ADGRL2: variants seen among roughly 807,000 people sequenced by gnomAD.
The protein encoded by ADGRL2 is calcium-independent alpha-latrotoxin receptor 2.
In ADGRL2, 44 loss-of-function variants were observed where a neutral mutation model predicts 157.4. The observed-to-expected ratio is 0.28, with a 90% CI of 0.22 to 0.36. ADGRL2 has a LOEUF of 0.36. Among genes scored for constraint, ADGRL2 ranks in the 10% least tolerant of loss-of-function variants. ADGRL2 has a pLI of 1.00. For synonymous variants in ADGRL2, 585 were observed against 624.7 expected (o/e 0.94, Z 0.95); for missense variants, 1,510 against 1,768.9 (o/e 0.85, Z 2.63).
chr1:81,639,667 G>A (rs754591631), intron 3 of ADGRL2, among the ~76,000 whole-genome samples: 2 of 151,670 alleles, frequency 1.3e-5, no homozygotes, highest in Non-Finnish European at 2.9e-5. Flanking sequence ...ATTAGAAATA[G>A]AGGACATTAT....
intron 2 of ADGRL2, among the ~76,000 whole-genome samples, chr1:81,446,304 C>T (rs11163296): frequency 0.48 from 73,274 of 151,900 alleles, 19,776 homozygotes; most frequent in Non-Finnish European, 0.6. Flanking sequence ...CATCAATTGG[C>T]ATAGAGTTTC....
At position 81,990,421 on chromosome 1, in the gene ADGRL2, G is replaced by A; in HGVS notation, c.3686G>A (p.Ser1229Asn). 5.6e-6 allele frequency: 9 copies of A among 1,613,946 alleles called. No individual in the cohort carries two copies. Among genetic ancestry groups the A allele is most frequent in the Non-Finnish European group, 6.8e-6 (8 of 1,179,878 alleles). The change falls in exon 24 of 24, where the codon AGT (serine) becomes AAT (asparagine). Residue 1229 changes from serine to asparagine, a missense_variant. Ser to Asn is a conservative substitution (Grantham distance 46). This residue lies in a region of ADGRL2 where 327 missense variants were observed against 310.1 expected (regional missense o/e 1.05). Transcript: ENST00000686636. The part of the protein sequence containing the change: ...RHSLNNARDT[S>N]AMDTLPLNGN... ...TCACTGAACAATGCCAGGGATACAA[G>A]TGCCATGGATACTCTACCGCTAAAT...
rs138219879 is a variant in ADGRL2 at position 81,928,356 on chromosome 1, T to A, written c.288-8372T>A. ...TACGGCTGATTGAGGCATAATTGGA[T>A]GTCTGGTGTTTATTTTCTATTAACC... On this transcript the variant is annotated intron_variant, in intron 3 of 23. Coordinates refer to ENST00000686636, the MANE Select transcript of ADGRL2 (RefSeq NM_001366006.2). 2.5e-3 allele frequency among the ~76,000 whole-genome samples: 376 copies of A among 152,230 alleles called. 2 individuals carry two copies. The highest frequency in any genetic ancestry group is 4.1e-3 in the Non-Finnish European group (282 of 67,954).
At chr1:81,651,970 G>C (rs1015328862) in intron 3 of ADGRL2, among the ~76,000 whole-genome samples, 6 of 152,110 alleles carry the variant, frequency 3.9e-5, no homozygotes, top group Admixed American at 2.0e-4. Context: ...GCCTCCCAAA[G>C]TGTGAGGATT....
intron 2 of ADGRL2, among the ~76,000 whole-genome samples, chr1:81,888,135 A>G (rs1263807122): frequency 1.3e-5 from 2 of 152,180 alleles, no homozygotes; most frequent in Non-Finnish European, 2.9e-5. Flanking sequence ...TGTTGAACTC[A>G]AGTAGAGAAA....
chr1:81,882,842 T>C (rs1297420479), intron 2 of ADGRL2, among the ~76,000 whole-genome samples: 2 of 152,218 alleles, frequency 1.3e-5, no homozygotes, highest in Admixed American at 1.3e-4. Flanking sequence ...GTCACGTATA[T>C]GTTTGAAGAC....
intron 1 of ADGRL2, among the ~76,000 whole-genome samples, chr1:81,363,675 C>G (rs2076016278): frequency 6.6e-6 from 1 of 152,104 alleles, no homozygotes; most frequent in Non-Finnish European, 1.5e-5. Context: ...AATAGCATCT[C>G]TGTGTAACAA....
In ADGRL2 at chr1:81,546,374, G is replaced by A. The variant is rs114646465; in HGVS notation, c.-247-34502G>A. 3.0e-3 allele frequency among the ~76,000 whole-genome samples: 454 copies of A among 152,140 alleles called. 4 individuals are homozygous for A. The highest frequency in any genetic ancestry group is 0.01 in the African/African-American group (433 of 41,504). On this transcript the variant is annotated intron_variant, in intron 2 of 24. Coordinates refer to the ADGRL2 transcript ENST00000370721. ...ATTGGCTCAATACTTGAGGTTCTTG[G>A]GTAAAGGTTTCTCAATTAGATAGTT...
At chr1:81,564,231 T>C (rs2080508636) in intron 2 of ADGRL2, among the ~76,000 whole-genome samples, 1 of 152,210 alleles carries the variant, frequency 6.6e-6, no homozygotes, top group African/African-American at 2.4e-5. Flanking sequence ...GACACATAGC[T>C]GTGTAACAAA....
At position 81,353,436 on chromosome 1, in the gene ADGRL2, G is replaced by A. The variant is rs533208880; in HGVS notation, c.-302+46927G>A. 2.6e-5 allele frequency among the ~76,000 whole-genome samples: 4 copies of A among 152,168 alleles called. No individual in the cohort carries two copies. In the South Asian group the frequency reaches 8.3e-4, roughly 32 times the overall value. ...AAGAGTGTAGGACAGAGTTCTGATG[G>A]CTGGGCCTCAGAGCACACCAGAACC... On this transcript the variant is annotated intron_variant, in intron 1 of 24. Coordinates refer to the ADGRL2 transcript ENST00000370721.
chr1:81,947,041 T>C (rs891965197), intron 6 of ADGRL2, among the ~76,000 whole-genome samples: 1 of 152,208 alleles, frequency 6.6e-6, no homozygotes, highest in Non-Finnish European at 1.5e-5. Flanking sequence ...TTATTAAGCA[T>C]GTTTATTAGC....
intron 2 of ADGRL2, among the ~76,000 whole-genome samples, chr1:81,771,928 CTT>C (rs1167253112): frequency 6.6e-6 from 1 of 152,086 alleles, no homozygotes; most frequent in Non-Finnish European, 1.5e-5. Context: ...TTCTCAATCT[CTT>C]TTGCATGTAA....
At chr1:81,359,660 G>T (rs1400568781) in intron 1 of ADGRL2, among the ~76,000 whole-genome samples, 1 of 151,768 alleles carries the variant, frequency 6.6e-6, no homozygotes, top group Non-Finnish European at 1.5e-5. Context: ...AGTATTAATA[G>T]TAACTACACA....
At chr1:81,531,672 A>G (rs1057232002) in intron 2 of ADGRL2, among the ~76,000 whole-genome samples, 2 of 152,204 alleles carry the variant, frequency 1.3e-5, no homozygotes, top group East Asian at 1.9e-4. Flanking sequence ...GGGGGAAAAA[A>G]ACAGAGACAG....
At chr1:81,667,739 A>AT (rs1044129155) in intron 3 of ADGRL2, among the ~76,000 whole-genome samples, 5 of 152,000 alleles carry the variant, frequency 3.3e-5, no homozygotes, top group Non-Finnish European at 7.4e-5. Flanking sequence ...GTATCTAAGT[A>AT]TTTTTTTTAA....
chr1:81,557,864 GCTGTTACTTT>G (rs2080349019), intron 2 of ADGRL2: 1 of 152,256 alleles, frequency 6.6e-6, no homozygotes, highest in Non-Finnish European at 1.5e-5. Flanking sequence ...CCCACTCTTA[GCTGTTACTTT>G]CTGTATAATC....
chr1:81,746,893 C>G (rs141564498), intron 1 of ADGRL2, among the ~76,000 whole-genome samples: 2 of 127,186 alleles, frequency 1.6e-5, no homozygotes, highest in Middle Eastern at 4.2e-3. Context: ...CACACGTATA[C>G]ACGTATATAC....
rs1216450318 is a variant in ADGRL2 at position 81,981,821 on chromosome 1, G to C, written c.3127G>C (p.Gly1043Arg). Residue 1043 changes from glycine to arginine, a missense_variant, in exon 19 of 24, where the codon GGC becomes CGC. Gly to Arg is a moderately radical substitution (Grantham distance 125). This residue lies in a region of ADGRL2 where 497 missense variants were observed against 627.2 expected (regional missense o/e 0.79). Transcript: ENST00000686636. ...TTATTTTTCCAGGTCTTGGGTGCTTGGCGCTTTCGCTCTTCTGTGTCTTCT... is the reference window on the plus strand; with the variant it reads ...TTATTTTTCCAGGTCTTGGGTGCTTCGCGCTTTCGCTCTTCTGTGTCTTCT... ...RLENIKSWVL[G>R]AFALLCLLGL... is the part of the protein sequence containing the mutation. 1 of 1,607,270 alleles carries C rather than the reference G, an allele frequency of 6.2e-7. No homozygotes were observed. The highest frequency in any genetic ancestry group is 8.5e-7 in the Non-Finnish European group (1 of 1,177,626).
chr1:81,557,498 A>AAAGAAAGAAAG (rs2080328875), intron 2 of ADGRL2: 3 of 111,164 alleles, frequency 2.7e-5, no homozygotes, highest in Non-Finnish European at 3.3e-5. Flanking sequence ...AGAAAGAAAG[A>AAAGAAAGAAAG]AAGAAAGAAA....
Sources: allele counts gnomAD v4.1 joint callset (sites outside exome capture counted in the v4.1 genomes callset), GRCh38; gene constraint gnomAD v4.1.1; regional missense constraint gnomAD v4.1.1; transcripts MANE v1.5; gene names NCBI Gene and HGNC (gene_info 2026-07-23, HGNC 2026-07-21).